Variants in MBTPS1 observed in about 807,000 individuals in gnomAD.
MBTPS1 encodes membrane-bound transcription factor site-1 protease.
In MBTPS1, 94 loss-of-function variants were observed where a neutral mutation model predicts 127.8. The observed-to-expected ratio is 0.74, with a 90% CI of 0.62 to 0.87. The LOEUF is 0.87. Among genes scored for constraint, MBTPS1 ranks in the 40% least tolerant of loss-of-function variants. The probability of loss-of-function intolerance (pLI) is 0.00; values close to 1 mark genes in which losing one functional copy is unlikely to be tolerated. For synonymous variants in MBTPS1, 632 were observed against 509.4 expected, an observed-to-expected ratio of 1.24 and a Z score of -3.24; for missense variants, 1,636 against 1,353.2, an observed-to-expected ratio of 1.21 and a Z score of -3.28.
In MBTPS1 at chr16:84,090,848, G is replaced by A. The variant is rs751826394; in HGVS notation, c.1031+27C>T. ...GTTATTTAAGGGGGAAAAAATCCCC[G>A]AGGTCATCCCTGCTGGGGCTACTTA... On this transcript the variant is annotated intron_variant, in intron 8 of 22. Coordinates refer to ENST00000343411, the MANE Select transcript of MBTPS1 (RefSeq NM_003791.4). The A allele has an allele frequency of 5.8e-6, 9 of 1,563,794 alleles. No homozygotes were observed. The East Asian group carries it at 9.0e-5, about 16-fold the overall frequency.
intron 6 of MBTPS1, 135 bp from the exon 7 acceptor site, chr16:84,091,983 T>C (rs771519930): frequency 1.6e-5 from 10 of 612,554 alleles, no homozygotes; most frequent in Non-Finnish European, 2.1e-5. Context: ...CAGAAATGAA[T>C]CCTGAGCATG....
At chr16:84,107,652 G>T (rs1343161093) in intron 1 of MBTPS1, among the ~76,000 whole-genome samples, 1 of 151,842 alleles carries the variant, frequency 6.6e-6, no homozygotes, top group Non-Finnish European at 1.5e-5. Flanking sequence ...AATGATGGCA[G>T]AGGGACTGGG....
chr16:84,100,392 A>C (rs2086237496), intron 2 of MBTPS1, among the ~76,000 whole-genome samples: 1 of 152,150 alleles, frequency 6.6e-6, no homozygotes, highest in African/African-American at 2.4e-5. Context: ...TAAAAAGACA[A>C]AATTAGCCGG....
At chr16:84,093,638 G>C in intron 5 of MBTPS1, 73 bp downstream of exon 5, 1 of 1,047,264 alleles carries the variant, frequency 9.5e-7, no homozygotes, top group South Asian at 1.3e-5. Flanking sequence ...TTGCTGGACA[G>C]ACTGTGGAAT....
chr16:84,103,259 T>A (rs7185821), intron 1 of MBTPS1, among the ~76,000 whole-genome samples: 22,888 of 147,430 alleles, frequency 0.16, 1,834 homozygotes, highest in Non-Finnish European at 0.19. Flanking sequence ...TATTATTATT[T>A]TTTTTTTTTT....
chr16:84,065,786 AG>A lies in MBTPS1; in HGVS notation c.2354-20del. ...TAATACACTAGGAAAGAGTGTTCAA[AG>A]TCAAGGGAACACAGGAACGCCGAAC... On this transcript the variant is annotated intron_variant, in intron 17 of 22. Coordinates refer to ENST00000343411, the MANE Select transcript of MBTPS1 (RefSeq NM_003791.4). 1 of 1,511,252 alleles carries A rather than the reference AG, an allele frequency of 6.6e-7. No individual in the cohort carries two copies. Among genetic ancestry groups the A allele is most frequent in the Non-Finnish European group, 8.9e-7 (1 of 1,118,058 alleles). The allele number at this position is 1,511,252 out of a possible 1,614,324, so 93.6% of individuals were successfully genotyped here. A position where few individuals can be genotyped will look rare whatever the true frequency, so the allele number is the denominator to read the frequency against.
At chr16:84,087,324 G>A (rs754312874) in intron 9 of MBTPS1, 34 bp downstream of exon 9, 1 of 1,543,792 alleles carries the variant, frequency 6.5e-7, no homozygotes, top group African/African-American at 1.4e-5. Flanking sequence ...AGTTTGTCCA[G>A]CTAAATACAA....
At chr16:84,099,820 G>A (rs1362912010) in intron 2 of MBTPS1, among the ~76,000 whole-genome samples, 1 of 148,490 alleles carries the variant, frequency 6.7e-6, no homozygotes, top group East Asian at 2.0e-4. Context: ...TAACCACAAA[G>A]AATACATCAT....
In MBTPS1 at chr16:84,099,185, AGTC is replaced by A. The variant is rs1267591345; in HGVS notation, c.286_288del (p.Asp96del). On this transcript the variant is annotated inframe_deletion, in exon 3 of 23. Transcript: ENST00000343411. ...TGAATCACCTCAAAATCACTAGGGT[AGTC>A]ACTGGATGGATTGTTTCGAGGTATA... 6.2e-7 allele frequency: 1 copy of A among 1,614,186 alleles called. No homozygotes were observed. Among genetic ancestry groups the A allele is most frequent in the Admixed American group, 1.7e-5 (1 of 60,012 alleles).
chr16:84,102,848 C>T (rs1199329236), intron 1 of MBTPS1, among the ~76,000 whole-genome samples: 2 of 152,138 alleles, frequency 1.3e-5, no homozygotes, highest in African/African-American at 4.8e-5. Context: ...TCTACCAATT[C>T]TATGAAAAGA....
intron 3 of MBTPS1, 81 bp downstream of exon 3, chr16:84,098,972 T>C (rs2151167146): frequency 7.7e-7 from 1 of 1,303,714 alleles, no homozygotes; most frequent in East Asian, 2.3e-5. Flanking sequence ...ATACTCACTG[T>C]ACTATTTTTC....
At chr16:84,081,315 T>G (rs73249057) in intron 11 of MBTPS1, among the ~76,000 whole-genome samples, 24,075 of 152,140 alleles carry the variant, frequency 0.16, 2,077 homozygotes, top group East Asian at 0.28. Context: ...ATGTATGTGG[T>G]CTGCAGGTGA....
intron 9 of MBTPS1, 34 bp from the exon 10 acceptor site, chr16:84,085,168 G>A (rs199631852): frequency 9.3e-6 from 15 of 1,608,224 alleles, no homozygotes; most frequent in Admixed American, 8.4e-5. Context: ...GCTACATCTC[G>A]CACATTGGCA....
chr16:84,067,351 T>C (rs2085700812), intron 16 of MBTPS1, among the ~76,000 whole-genome samples: 1 of 152,184 alleles, frequency 6.6e-6, no homozygotes. Flanking sequence ...ATTTTCTTTT[T>C]TGTGTTTTAT....
chr16:84,094,368 A>C (rs911123204), intron 4 of MBTPS1, among the ~76,000 whole-genome samples: 1 of 152,194 alleles, frequency 6.6e-6, no homozygotes, highest in Non-Finnish European at 1.5e-5. Flanking sequence ...GGAACAATTA[A>C]CACCACATGC....
At chr16:84,100,999 C>CAAAAAAAAAAAAAA (rs562200642) in intron 2 of MBTPS1, among the ~76,000 whole-genome samples, 1 of 68,542 alleles carries the variant, frequency 1.5e-5, no homozygotes, top group African/African-American at 5.6e-5. Context: ...ACTAAAAATA[C>CAAAAAAAAAAAAAA]AAAAAAAAAA....
intron 1 of MBTPS1, among the ~76,000 whole-genome samples, chr16:84,115,530 A>G (rs1003882209): frequency 5.9e-5 from 9 of 152,262 alleles, no homozygotes; most frequent in African/African-American, 2.2e-4. Context: ...TAGCCATACA[A>G]CTGAATATTA....
At chr16:84,092,953 A>C (rs1027941049) in intron 6 of MBTPS1, among the ~76,000 whole-genome samples, 1 of 152,240 alleles carries the variant, frequency 6.6e-6, no homozygotes, top group African/African-American at 2.4e-5. Context: ...CGTCGTAAGT[A>C]GTAGCCTCGG....
chr16:84,071,345 A>G (rs974326102), intron 12 of MBTPS1, among the ~76,000 whole-genome samples: 2 of 152,234 alleles, frequency 1.3e-5, no homozygotes, highest in African/African-American at 4.8e-5. Context: ...CGTCAATGAG[A>G]GCTTGCAACT....
Sources: allele counts gnomAD v4.1 joint callset (sites outside exome capture counted in the v4.1 genomes callset), GRCh38; gene constraint gnomAD v4.1.1; transcripts MANE v1.5; gene names NCBI Gene and HGNC (gene_info 2026-07-23, HGNC 2026-07-21).